TMCO6: variants seen among roughly 807,000 people sequenced by gnomAD.
The protein encoded by TMCO6 is transmembrane and coiled-coil domain-containing protein 6.
In TMCO6, 47 loss-of-function variants were observed where a neutral mutation model predicts 61.8. That is an observed-to-expected ratio of 0.76 (90% confidence interval 0.60 to 0.97). TMCO6 has a LOEUF of 0.97. Ranked by LOEUF, TMCO6 falls within the 50% of genes least tolerant of loss-of-function variation. The pLI is 0.00. For missense variants in TMCO6, 557 were observed against 601.6 expected, an observed-to-expected ratio of 0.93 and a Z score of 0.78; for synonymous variants, 261 against 254.2, an observed-to-expected ratio of 1.03 and a Z score of -0.25.
the TMCO6 span, chr5:140,632,709 C>T: frequency 1.2e-6 from 2 of 1,613,650 alleles, no homozygotes; most frequent in Admixed American, 1.7e-5. The surrounding 1 kb of genome is among the most constrained non-coding windows in gnomAD (Gnocchi z 6.2). Flanking sequence ...TGTGAGCCGC[C>T]GCACGCGGAG....
At chr5:140,644,939 T>C (rs1338009334) in intron 11 of TMCO6, 46 bp from the exon 12 acceptor site, 3 of 1,593,332 alleles carry the variant, frequency 1.9e-6, no homozygotes, top group Non-Finnish European at 2.6e-6. Flanking sequence ...AATTGAGTCT[T>C]AGGACACAGA....
At chr5:140,632,229 TG>T in the TMCO6 span, 121 of 1,613,624 alleles carry the variant, frequency 7.5e-5, no homozygotes, top group African/African-American at 1.4e-3. This position sits in a 1 kb window ranked among gnomAD's most constrained non-coding sequence, Gnocchi z 6.2. Flanking sequence ...GTCTAGGCTG[TG>T]GGGCTGCACA....
At chr5:140,645,547 C>T, downstream of TMCO6, 1 of 1,612,182 alleles carries the variant, frequency 6.2e-7, no homozygotes, top group Non-Finnish European at 8.5e-7. Context: ...CAGCAGAGCC[C>T]AGGCTCTGGG....
the TMCO6 span, among the ~76,000 whole-genome samples, chr5:140,622,881 T>C: frequency 6.6e-6 from 1 of 152,122 alleles, no homozygotes; most frequent in Non-Finnish European, 1.5e-5. Context: ...TTTTTATGTA[T>C]TTATATTTTA....
chr5:140,616,159 G>T, the TMCO6 span, among the ~76,000 whole-genome samples: 1 of 150,092 alleles, frequency 6.7e-6, no homozygotes, highest in African/African-American at 2.5e-5. Context: ...AAGAAAGAAA[G>T]CATAGTGAAA....
At chr5:140,628,155 T>A in the TMCO6 span, among the ~76,000 whole-genome samples, 2 of 147,846 alleles carry the variant, frequency 1.4e-5, no homozygotes, top group Non-Finnish European at 3.0e-5. Context: ...ATTAGAGGCA[T>A]GCGCCACCAC....
chr5:140,645,818 T>C (rs1757362875), downstream of TMCO6: 1 of 1,405,770 alleles, frequency 7.1e-7, no homozygotes, highest in Non-Finnish European at 9.7e-7. Context: ...ACATTTGGTA[T>C]GCCTAGAATT....
intron 1 of TMCO6, 32 bp from the exon 2 acceptor site, chr5:140,639,707 T>C (rs759493690): frequency 6.4e-7 from 1 of 1,563,702 alleles, no homozygotes; most frequent in South Asian, 1.2e-5. Context: ...GTGGTCGTCC[T>C]TCCCACGCTC....
the TMCO6 span, chr5:140,632,692 C>A: frequency 1.1e-5 from 18 of 1,613,818 alleles, no homozygotes; most frequent in East Asian, 3.6e-4. The surrounding 1 kb of genome is among the most constrained non-coding windows in gnomAD (Gnocchi z 6.2). Flanking sequence ...ACCTGTGCGG[C>A]TCCCACTGTG....
chr5:140,596,827 T>C, the TMCO6 span, among the ~76,000 whole-genome samples: 12 of 152,178 alleles, frequency 7.9e-5, no homozygotes, highest in Admixed American at 2.6e-4. Context: ...TTGGTAACTT[T>C]CCTGAGCCTT....
the TMCO6 span, among the ~76,000 whole-genome samples, chr5:140,610,977 GT>G: frequency 1.3e-5 from 2 of 151,974 alleles, no homozygotes; most frequent in Admixed American, 6.6e-5. Context: ...TAATCACGTG[GT>G]TTTTTATTTC....
At chr5:140,639,947 C>T (rs1756916783) in intron 2 of TMCO6, 96 bp downstream of exon 2, 1 of 1,007,076 alleles carries the variant, frequency 9.9e-7, no homozygotes, top group South Asian at 1.4e-5. Flanking sequence ...ACGCAATCCA[C>T]TCTACACTTC....
chr5:140,647,626 A>C (rs369495222), downstream of TMCO6: 27 of 1,597,788 alleles, frequency 1.7e-5, no homozygotes, highest in Non-Finnish European at 2.2e-5. Context: ...CTTCAGGCCA[A>C]GTGCTCCGGT....
At chr5:140,647,419 AG>A (rs1395170898), downstream of TMCO6, 1 of 1,610,060 alleles carries the variant, frequency 6.2e-7, no homozygotes, top group African/African-American at 1.3e-5. Flanking sequence ...CCTCAACTTC[AG>A]GGAGGTCGAG....
chr5:140,644,768 T>A lies in TMCO6; in HGVS notation c.1368+28T>A, dbSNP rs372967696. On this transcript the variant is annotated intron_variant, in intron 11 of 11. Transcript: ENST00000394671. Reference sequence around the variant, plus strand: ...ATAGGTTTCTGGCCCACATCCTCAGTCACCCCTGTTCTGAAGCCACACAGT... The same window carrying A: ...ATAGGTTTCTGGCCCACATCCTCAGACACCCCTGTTCTGAAGCCACACAGT... 7 of 1,611,768 alleles carry A rather than the reference T, an allele frequency of 4.3e-6. No individual in the cohort carries two copies. In the African/African-American group the frequency reaches 8.0e-5, roughly 18 times the overall value.
the TMCO6 span, among the ~76,000 whole-genome samples, chr5:140,596,549 G>A: frequency 6.6e-6 from 1 of 152,294 alleles, no homozygotes; most frequent in East Asian, 1.9e-4. Context: ...TTATGCTGGT[G>A]GCCTTGAACT....
At chr5:140,647,251 C>G, downstream of TMCO6, 1 of 1,540,858 alleles carries the variant, frequency 6.5e-7, no homozygotes, top group Non-Finnish European at 8.7e-7. Flanking sequence ...GCGTCCCGCA[C>G]TCACCGTAGC....
chr5:140,644,206 G>A lies in TMCO6; in HGVS notation c.1200+12G>A, dbSNP rs185411472. On this transcript the variant is annotated intron_variant, in intron 10 of 11. Coordinates refer to ENST00000394671, the MANE Select transcript of TMCO6 (RefSeq NM_018502.5). ...TGGTGAGCGTAATGGTATGTATTGG[G>A]GTTACTTGAATCCAAGATCTGGTAG... is the stretch of plus-strand genomic sequence containing the variant. 2.2e-3 allele frequency: 3,607 copies of A among 1,612,868 alleles called. 15 individuals carry two copies. The highest frequency in any genetic ancestry group is 9.1e-3 in the Middle Eastern group (55 of 6,062).
chr5:140,636,525 G>A (rs1182000829), upstream of TMCO6, among the ~76,000 whole-genome samples: 1 of 150,960 alleles, frequency 6.6e-6, no homozygotes, highest in Non-Finnish European at 1.5e-5. Context: ...GGGGAAATAA[G>A]AAAATAAATT....
Sources: allele counts gnomAD v4.1 joint callset (sites outside exome capture counted in the v4.1 genomes callset), GRCh38; gene constraint gnomAD v4.1.1; non-coding constraint Gnocchi (gnomAD v3.1); transcripts MANE v1.5; gene names NCBI Gene and HGNC (gene_info 2026-07-23, HGNC 2026-07-21).